Variants in IQGAP1 observed in about 807,000 individuals in gnomAD.
IQGAP1 encodes IQ motif containing GTPase activating protein 1, also known as ras GTPase-activating-like protein IQGAP1.
A neutral mutation model predicts 215.6 loss-of-function variants in IQGAP1; 66 were observed. The ratio of observed to expected loss-of-function variants is 0.31; its 90% CI spans 0.25 to 0.38. IQGAP1 has a LOEUF of 0.38. Among genes scored for constraint, IQGAP1 ranks in the 10% least tolerant of loss-of-function variants. The pLI, the probability that IQGAP1 is intolerant of heterozygous loss-of-function variation, is 1.00. For missense variants in IQGAP1, 1,712 were observed against 1,997.1 expected (o/e 0.86, Z 2.72); for synonymous variants, 772 against 728.7 (o/e 1.06, Z -0.96).
At chr15:90,495,812 T>C (rs914452378) in intron 36 of IQGAP1, among the ~76,000 whole-genome samples, 1 of 150,712 alleles carries the variant, frequency 6.6e-6, no homozygotes, top group Non-Finnish European at 1.5e-5. Context: ...TAAGTTTTTG[T>C]ATTTTTAGTA....
At chr15:90,472,689 C>G in intron 18 of IQGAP1, 151 bp from the exon 19 acceptor site, 1 of 657,172 alleles carries the variant, frequency 1.5e-6, no homozygotes, top group African/African-American at 1.8e-5. Flanking sequence ...AAAAACAGAC[C>G]TGAGGGCTTT....
intron 33 of IQGAP1, among the ~76,000 whole-genome samples, chr15:90,488,693 TA>T (rs1425482440): frequency 6.6e-6 from 1 of 152,132 alleles, no homozygotes; most frequent in African/African-American, 2.4e-5. Context: ...GGAAGCTTCC[TA>T]AAAGAAGTGG....
At chr15:90,482,870 T>A in intron 28 of IQGAP1, 1 of 298,956 alleles carries the variant, frequency 3.3e-6, no homozygotes, top group Non-Finnish European at 5.1e-6. Context: ...GAACTTGGCC[T>A]TTGAAGTCTG....
intron 19 of IQGAP1, 39 bp from the exon 20 acceptor site, chr15:90,473,676 G>T: frequency 7.2e-7 from 1 of 1,397,862 alleles, no homozygotes. Flanking sequence ...ATTGATGCTT[G>T]GGAAGTAATA....
chr15:90,456,052 C>A, intron 14 of IQGAP1, 100 bp from the exon 15 acceptor site: 2 of 992,842 alleles, frequency 2.0e-6, no homozygotes, highest in Non-Finnish European at 3.0e-6. Context: ...ATCATGGTTA[C>A]TCTTAGGTGG....
At chr15:90,495,326 G>T (rs1011339115) in intron 36 of IQGAP1, among the ~76,000 whole-genome samples, 1 of 152,144 alleles carries the variant, frequency 6.6e-6, no homozygotes, top group Non-Finnish European at 1.5e-5. Context: ...CATCTGCTCA[G>T]TCAGCCCTGT....
At chr15:90,436,337 CTG>C (rs1217496031) in intron 5 of IQGAP1, among the ~76,000 whole-genome samples, 1 of 152,158 alleles carries the variant, frequency 6.6e-6, no homozygotes, top group African/African-American at 2.4e-5. Flanking sequence ...ACCATATACA[CTG>C]TAAATAGAAA....
intron 35 of IQGAP1, among the ~76,000 whole-genome samples, chr15:90,493,252 ATCT>A (rs1966230491): frequency 1.3e-5 from 2 of 151,986 alleles, no homozygotes; most frequent in East Asian, 1.9e-4. Flanking sequence ...AAAAAAAAAA[ATCT>A]TCTTGGCCTT....
In IQGAP1 at chr15:90,388,421, G is replaced by C. The variant is rs746845831; in HGVS notation, c.55+25G>C. ...TGTGAGTGCGGGGCTCCGCGGCGCG[G>C]GGGCTTCGGGCTGGGCTAATTGCAG... On this transcript the variant is annotated intron_variant, in intron 1 of 37. Coordinates refer to ENST00000268182, the MANE Select transcript of IQGAP1 (RefSeq NM_003870.4). 3 of 1,561,440 alleles carry C rather than the reference G, an allele frequency of 1.9e-6. No individual in the cohort carries two copies. In the South Asian group the frequency reaches 3.4e-5, roughly 18 times the overall value.
Position 90,482,050 on chromosome 15 carries a change from T to C in IQGAP1, c.3420T>C (p.Ala1140=). The part of the protein sequence containing the change: ...RLDSSIRNMR[A]VTDKFLSAIV... ...ACAGCTCCATCAGGAACATGCGGGC[T>C]GTGACAGACAAGTTTCTCTCAGCCA... is the stretch of plus-strand genomic sequence containing the variant. The change falls in exon 27 of 38, where the codon GCT becomes GCC. Residue 1140 remains alanine, a synonymous_variant. Transcript: ENST00000268182. The C allele has an allele frequency of 6.2e-7, 1 of 1,614,244 alleles. No individual in the cohort carries two copies. Among genetic ancestry groups the C allele is most frequent in the Non-Finnish European group, 8.5e-7 (1 of 1,180,038 alleles).
At chr15:90,491,605 A>G in intron 34 of IQGAP1, 60 bp downstream of exon 34, 2 of 1,363,036 alleles carry the variant, frequency 1.5e-6, no homozygotes, top group Admixed American at 3.6e-5. Context: ...GGCTCGAGAG[A>G]CAGTAGCTGT....
intron 2 of IQGAP1, among the ~76,000 whole-genome samples, chr15:90,425,746 G>A (rs1026873542): frequency 3.3e-5 from 5 of 152,188 alleles, no homozygotes; most frequent in Admixed American, 6.5e-5. Context: ...CAGTTGAAAT[G>A]GTGGCTTCAG....
rs1016953832 is a variant in IQGAP1, at chr15:90,474,113, G to A, written c.2555G>A (p.Arg852Gln). Residue 852 changes from arginine (R) to glutamine (Q), a missense_variant, in exon 22 of 38, where the codon CGG (arginine) becomes CAG (glutamine). By Grantham distance (43) the Arg-to-Gln change is conservative. This residue lies in a region of IQGAP1 where 1,021 missense variants were observed against 1,074.2 expected (regional missense o/e 0.95). Coordinates refer to ENST00000268182, the MANE Select transcript of IQGAP1 (RefSeq NM_003870.4). ...IQAFIRANKA[R>Q]DDYKTLINAE... ...GCTTTTATTCGGGCAAACAAAGCTC[G>A]GGATGACTACAAGACTCTCAGTGAG... 1.1e-5 allele frequency: 17 copies of A among 1,612,972 alleles called. No homozygotes were observed. Among genetic ancestry groups the A allele is most frequent in the Non-Finnish European group, 1.4e-5 (17 of 1,179,612 alleles).
chr15:90,471,370 G>A (rs1049612344), intron 18 of IQGAP1, among the ~76,000 whole-genome samples: 9 of 152,078 alleles, frequency 5.9e-5, no homozygotes, highest in Non-Finnish European at 1.2e-4. Flanking sequence ...GTCCAAGCAG[G>A]AAGTAGGAAG....
At chr15:90,477,643 AT>A (rs1302999920) in intron 25 of IQGAP1, 21 bp from the exon 26 acceptor site, 1 of 1,549,290 alleles carries the variant, frequency 6.5e-7, no homozygotes, top group Admixed American at 1.7e-5. Context: ...ACAAGTTTAA[AT>A]TTTTATCTGA....
Position 90,388,330 on chromosome 15 carries a change from G to T in IQGAP1, c.-12G>T, listed in dbSNP as rs1195871248. ...TCACGGCTTCCTCAGCAGAGACTCG[G>T]GCTCGTCCGCCATGTCCGCCGCAGA... On this transcript the variant is annotated 5_prime_UTR_variant, in exon 1 of 38. Transcript: ENST00000268182. 1 of 1,596,074 alleles carries T rather than the reference G, an allele frequency of 6.3e-7. No homozygotes were observed. Among genetic ancestry groups the T allele is most frequent in the Admixed American group, 1.7e-5 (1 of 59,366 alleles).
chr15:90,403,963 C>A (rs1266810187), intron 2 of IQGAP1, among the ~76,000 whole-genome samples: 1 of 152,188 alleles, frequency 6.6e-6, no homozygotes, highest in Admixed American at 6.5e-5. Context: ...ACATGAGCCA[C>A]CGTTTTGCTT....
chr15:90,492,153 C>T (rs1966214252), intron 34 of IQGAP1, among the ~76,000 whole-genome samples: 2 of 152,100 alleles, frequency 1.3e-5, no homozygotes, highest in South Asian at 4.1e-4. Flanking sequence ...TTTGTGAAAA[C>T]AAATTACTGC....
chr15:90,468,866 C>G (rs945428351), intron 18 of IQGAP1, among the ~76,000 whole-genome samples: 2 of 152,114 alleles, frequency 1.3e-5, no homozygotes, highest in African/African-American at 2.4e-5. Flanking sequence ...ATTCAGTCCT[C>G]CAAGCACACC....
Sources: allele counts gnomAD v4.1 joint callset (sites outside exome capture counted in the v4.1 genomes callset), GRCh38; gene constraint gnomAD v4.1.1; regional missense constraint gnomAD v4.1.1; transcripts MANE v1.5; gene names NCBI Gene and HGNC (gene_info 2026-07-23, HGNC 2026-07-21).